KCNU1: variants seen among roughly 807,000 people sequenced by gnomAD.
KCNU1 encodes the protein potassium calcium-activated channel subfamily U member 1, also known as potassium channel subfamily U member 1.
A neutral mutation model predicts 126.8 loss-of-function variants in KCNU1; 93 were observed. That is an observed-to-expected ratio of 0.73 (90% CI 0.62 to 0.87). The LOEUF is 0.87. Ranked by LOEUF, KCNU1 falls within the 40% of genes least tolerant of loss-of-function variation. The pLI is 0.00. For synonymous variants in KCNU1, 523 were observed against 494.2 expected (o/e 1.06, Z -0.77); for missense variants, 1,330 against 1,367.1 (o/e 0.97, Z 0.43).
At chr8:36,858,199 A>AAG (rs1805603044) in intron 18 of KCNU1, among the ~76,000 whole-genome samples, 1 of 150,760 alleles carries the variant, frequency 6.6e-6, no homozygotes, top group Non-Finnish European at 1.5e-5. Flanking sequence ...AAAAAAAAAA[A>AAG]CTGTTCGTAT....
Position 36,910,961 on chromosome 8 carries a change from C to G in KCNU1, c.2363C>G (p.Ala788Gly). 2 of 1,612,524 alleles carry G rather than the reference C, an allele frequency of 1.2e-6. No homozygotes were observed. Among genetic ancestry groups the G allele is most frequent in the Non-Finnish European group, 1.7e-6 (2 of 1,179,078 alleles). The change falls in exon 22 of 27, where the codon GCG becomes GGG. Residue 788 changes from alanine to glycine, a missense_variant. This residue lies in a region of KCNU1 where 1,054 missense variants were observed against 1,053.9 expected (regional missense o/e 1.00). Transcript: ENST00000399881. ...GCACTTTATTCTGGAGACCTCCATG[C>G]GGCCAACATAGAGCAATGCTCCATG... The part of the protein sequence containing the change: ...GCALYSGDLH[A>G]ANIEQCSMCA...
chr8:36,834,831 A>C lies in KCNU1; in HGVS notation c.1258A>C (p.Ser420Arg). ...CCTGATTATAGCCAATCCTTTGTGC[A>C]GTGATTCCCATGCTGAAGATATTTC... ...ACLIIANPLC[S>R]DSHAEDISNI... The change falls in exon 12 of 27, where the codon AGT becomes CGT. Residue 420 changes from serine (S) to arginine (R), a missense_variant. Ser to Arg is a moderately radical substitution (Grantham distance 110, BLOSUM62 -1). Around this residue, in one of 3 missense-constraint regions of KCNU1, gnomAD observed 1,054 missense variants for 1,053.9 expected, o/e 1.00. Coordinates refer to ENST00000399881, the MANE Select transcript of KCNU1 (RefSeq NM_001031836.3). 3 of 1,612,210 alleles carry C rather than the reference A, an allele frequency of 1.9e-6. No homozygotes were observed. The highest frequency in any genetic ancestry group is 1.7e-6 in the Non-Finnish European group (2 of 1,178,844).
intron 2 of KCNU1, among the ~76,000 whole-genome samples, chr8:36,796,987 CAAGA>C (rs1216508892): frequency 1.3e-5 from 2 of 151,934 alleles, no homozygotes; most frequent in African/African-American, 4.8e-5. Context: ...GATCTGTTAG[CAAGA>C]AAGAGAGAAC....
At position 36,911,061 on chromosome 8, in the gene KCNU1, C is replaced by T. The variant is rs1422054563; in HGVS notation, c.2463C>T (p.Thr821=). 1 of 1,613,656 alleles carries T rather than the reference C, an allele frequency of 6.2e-7. No individual in the cohort carries two copies. Residue 821 remains threonine, a synonymous_variant, in exon 22 of 27, where the codon ACC becomes ACT. Transcript: ENST00000399881. ...TLVDTEAIMA[T]LTIGSLQIDS... Reference sequence around the variant, plus strand: ...TAGACACAGAAGCCATCATGGCAACCCTCACCATCGGATCCTTGCAAATTG... The same window carrying T: ...TAGACACAGAAGCCATCATGGCAACTCTCACCATCGGATCCTTGCAAATTG...
intron 10 of KCNU1, among the ~76,000 whole-genome samples, chr8:36,829,273 A>G (rs188932794): frequency 6.6e-6 from 1 of 152,056 alleles, no homozygotes; most frequent in Admixed American, 6.5e-5. Context: ...TTTTAATGTT[A>G]TTATAGTCAA....
chr8:36,848,744 T>C (rs1232096426), intron 18 of KCNU1, among the ~76,000 whole-genome samples: 1 of 152,126 alleles, frequency 6.6e-6, no homozygotes, highest in Non-Finnish European at 1.5e-5. Flanking sequence ...TTGCTAGACA[T>C]GGTTTCAAGA....
chr8:36,819,491 A>T (rs1005321361), intron 10 of KCNU1, among the ~76,000 whole-genome samples: 2 of 152,156 alleles, frequency 1.3e-5, no homozygotes, highest in Non-Finnish European at 2.9e-5. Context: ...ATTTTGTCCC[A>T]TATGTAAATC....
At chr8:36,796,385 C>G (rs1384039374) in intron 2 of KCNU1, among the ~76,000 whole-genome samples, 1 of 152,146 alleles carries the variant, frequency 6.6e-6, no homozygotes, top group Non-Finnish European at 1.5e-5. Context: ...ATAAGCAATA[C>G]TAATTATGTT....
In KCNU1 at chr8:36,784,424, A is replaced by C; in HGVS notation, c.14A>C (p.Lys5Thr). Residue 5 changes from lysine (K) to threonine (T), a missense_variant, in exon 1 of 27, where the codon AAG becomes ACG. Transcript: ENST00000399881. Reference protein sequence around the residue: MFQTKLRNETWEDLP... With the variant: MFQTTLRNETWEDLP... ...GATGTCTCGAACATGTTTCAGACTAAGCTACGAAATGAAACTTGGGAAGAC... is the reference window on the plus strand; with the variant it reads ...GATGTCTCGAACATGTTTCAGACTACGCTACGAAATGAAACTTGGGAAGAC... The C allele has an allele frequency of 6.2e-7, 1 of 1,612,724 alleles. No individual in the cohort carries two copies.
intron 10 of KCNU1, among the ~76,000 whole-genome samples, chr8:36,823,948 C>A (rs1013642066): frequency 2.6e-5 from 4 of 151,448 alleles, no homozygotes; most frequent in Non-Finnish European, 4.4e-5. Flanking sequence ...AGTGATTCTC[C>A]TGCCTCAGCC....
chr8:36,862,666 C>T (rs2117331334), intron 18 of KCNU1, among the ~76,000 whole-genome samples: 1 of 152,254 alleles, frequency 6.6e-6, no homozygotes, highest in East Asian at 1.9e-4. Context: ...AGGAAAAATT[C>T]AAAGCTTTAG....
At chr8:36,790,675 G>A (rs988517178) in intron 2 of KCNU1, among the ~76,000 whole-genome samples, 1 of 152,034 alleles carries the variant, frequency 6.6e-6, no homozygotes, top group Non-Finnish European at 1.5e-5. Context: ...AAACAAAGTT[G>A]TCAAAGACCC....
At chr8:36,852,140 ATATTT>A (rs961430599) in intron 18 of KCNU1, among the ~76,000 whole-genome samples, 62 of 152,088 alleles carry the variant, frequency 4.1e-4, no homozygotes, top group African/African-American at 8.7e-4. Flanking sequence ...TGTGGTTTTT[ATATTT>A]TATTCTATTA....
intron 23 of KCNU1, among the ~76,000 whole-genome samples, chr8:36,919,780 G>T (rs1461835612): frequency 6.6e-6 from 1 of 152,198 alleles, no homozygotes; most frequent in Non-Finnish European, 1.5e-5. Context: ...TGCATAATGG[G>T]CATTTTATGA....
At position 36,836,876 on chromosome 8, in the gene KCNU1, C is replaced by T. The variant is rs77438672; in HGVS notation, c.1449C>T (p.Ile483=). ...ICFAELKLGF[I]AQGCLVPGLC... Reference sequence around the variant, plus strand: ...TTGCTGAATTAAAACTTGGATTTATCGCCCAAGGCTGTTTGGTGCCAGGCT... The same window carrying T: ...TTGCTGAATTAAAACTTGGATTTATTGCCCAAGGCTGTTTGGTGCCAGGCT... Residue 483 remains isoleucine, a synonymous_variant, in exon 14 of 27, where the codon ATC becomes ATT. Transcript: ENST00000399881. 18,802 of 1,613,702 alleles carry T rather than the reference C, an allele frequency of 0.012. 1,566 individuals are homozygous for T. The East Asian group carries it at 0.24, about 21-fold the overall frequency.
chr8:36,856,702 T>C (rs1805540421), intron 18 of KCNU1, among the ~76,000 whole-genome samples: 1 of 152,172 alleles, frequency 6.6e-6, no homozygotes, highest in South Asian at 2.1e-4. Context: ...TGTTTTTTAT[T>C]ATGCCTGAGT....
At chr8:36,828,148 A>G (rs886389921) in intron 10 of KCNU1, among the ~76,000 whole-genome samples, 2 of 152,156 alleles carry the variant, frequency 1.3e-5, no homozygotes, top group Non-Finnish European at 2.9e-5. Flanking sequence ...TGTTTAAAAC[A>G]TGTTGAACTA....
chr8:36,913,475 G>T (rs1024818167), intron 22 of KCNU1, among the ~76,000 whole-genome samples: 1 of 152,152 alleles, frequency 6.6e-6, no homozygotes, highest in Admixed American at 6.5e-5. Context: ...GCTAAGTTGG[G>T]TTTGTTTGAA....
chr8:36,901,679 A>G (rs562664388), intron 19 of KCNU1, among the ~76,000 whole-genome samples: 1 of 152,274 alleles, frequency 6.6e-6, no homozygotes, highest in East Asian at 1.9e-4. Context: ...AGAACATTTC[A>G]AGGTTCATTG....
Sources: allele counts gnomAD v4.1 joint callset (sites outside exome capture counted in the v4.1 genomes callset), GRCh38; gene constraint gnomAD v4.1.1; regional missense constraint gnomAD v4.1.1; transcripts MANE v1.5; gene names NCBI Gene and HGNC (gene_info 2026-07-23, HGNC 2026-07-21).